NT5C2: variants seen among roughly 807,000 people sequenced by gnomAD.
NT5C2 encodes cytosolic purine 5'-nucleotidase.
In NT5C2, 58 loss-of-function variants were observed where a neutral mutation model predicts 76.1. That is an observed-to-expected ratio of 0.76 (90% CI 0.62 to 0.95). The LOEUF (loss-of-function observed/expected upper bound fraction) is 0.95, where lower values mean the gene tolerates loss of function less well. Among genes scored for constraint, NT5C2 ranks in the 40% least tolerant of loss-of-function variants. NT5C2 has a pLI of 0.00. For synonymous variants in NT5C2, 229 were observed against 237.4 expected, an observed-to-expected ratio of 0.96 and a Z score of 0.32; for missense variants, 478 against 690.3, an observed-to-expected ratio of 0.69 and a Z score of 3.45.
intron 4 of NT5C2, among the ~76,000 whole-genome samples, chr10:103,122,293 A>C (rs1326740554): frequency 6.6e-6 from 1 of 152,256 alleles, no homozygotes; most frequent in Non-Finnish European, 1.5e-5. Flanking sequence ...GTTTTAACAC[A>C]GTTTCTATCT....
chr10:103,122,958 G>A (rs1374369357), intron 4 of NT5C2, among the ~76,000 whole-genome samples: 1 of 152,150 alleles, frequency 6.6e-6, no homozygotes, highest in Non-Finnish European at 1.5e-5. Context: ...TCCTTATGAA[G>A]GCTCCTGTGT....
chr10:103,181,627 T>C (rs1387917695), intron 1 of NT5C2, among the ~76,000 whole-genome samples: 1 of 152,242 alleles, frequency 6.6e-6, no homozygotes, highest in Non-Finnish European at 1.5e-5. Context: ...ATTACCTCAT[T>C]ACTTAACATA....
intron 3 of NT5C2, chr10:103,153,423 A>G (rs2082746943): frequency 8.7e-7 from 1 of 1,153,774 alleles, no homozygotes; most frequent in Admixed American, 4.6e-5. Flanking sequence ...GAGAGGCCCA[A>G]CAAATTTGGG....
chr10:103,191,749 C>G lies in NT5C2; in HGVS notation c.-169+1487G>C, dbSNP rs370539523. On this transcript the variant is annotated intron_variant, in intron 1 of 18. Coordinates refer to ENST00000404739, the MANE Select transcript of NT5C2 (RefSeq NM_001351169.2). The stretch of plus-strand genomic sequence containing the variant: ...CCCCGCGCCCCTCCACCTTATTTTA[C>G]AGATTTGTTGGTTACTAAATCCTAA... 2.0e-5 allele frequency among the ~76,000 whole-genome samples: 3 copies of G among 146,440 alleles called. No individual in the cohort carries two copies. In the East Asian group the frequency reaches 6.7e-4, roughly 33 times the overall value.
intron 3 of NT5C2, among the ~76,000 whole-genome samples, chr10:103,149,180 T>C (rs995856811): frequency 5.3e-5 from 8 of 152,084 alleles, no homozygotes; most frequent in African/African-American, 1.9e-4. Flanking sequence ...GCAAATCCTC[T>C]CTGGAAGAAC....
chr10:103,135,288 T>C (rs771242237), intron 4 of NT5C2, among the ~76,000 whole-genome samples: 59 of 152,308 alleles, frequency 3.9e-4, no homozygotes, highest in East Asian at 7.7e-4. Context: ...TGGGAGGTAA[T>C]TGAATCATGG....
intron 18 of NT5C2, chr10:103,090,281 A>C (rs763523909): frequency 3.2e-5 from 11 of 344,646 alleles, no homozygotes; most frequent in Non-Finnish European, 5.3e-5. Context: ...ACAGTGGAGC[A>C]ATCACAGCCC....
chr10:103,118,632 A>G (rs1348664469), intron 4 of NT5C2, among the ~76,000 whole-genome samples: 1 of 152,138 alleles, frequency 6.6e-6, no homozygotes, highest in African/African-American at 2.4e-5. Flanking sequence ...GGCATTAATT[A>G]CAGGAATAAG....
chr10:103,169,053 T>C (rs937698946), intron 3 of NT5C2, among the ~76,000 whole-genome samples: 1 of 152,152 alleles, frequency 6.6e-6, no homozygotes, highest in Admixed American at 6.6e-5. Flanking sequence ...TGTTAGGAGA[T>C]ACAAGTCTGA....
chr10:103,127,043 C>T (rs2076796142), intron 4 of NT5C2, among the ~76,000 whole-genome samples: 1 of 152,184 alleles, frequency 6.6e-6, no homozygotes, highest in Non-Finnish European at 1.5e-5. Context: ...CTCCTGGCTT[C>T]AAGCAATCCA....
At chr10:103,093,884 T>C in intron 14 of NT5C2, 88 bp downstream of exon 14, 1 of 971,060 alleles carries the variant, frequency 1.0e-6, no homozygotes, top group Non-Finnish European at 1.7e-6. Context: ...TACTAAACAG[T>C]ATATGTGGCA....
intron 1 of NT5C2, among the ~76,000 whole-genome samples, chr10:103,191,045 T>C (rs2092595630): frequency 6.6e-6 from 1 of 152,198 alleles, no homozygotes; most frequent in African/African-American, 2.4e-5. Context: ...GGTTTTTGTT[T>C]TTGGGGATTT....
chr10:103,089,795 C>T lies in NT5C2; in HGVS notation c.1563G>A (p.Arg521=). The T allele has an allele frequency of 1.2e-6, 2 of 1,614,020 alleles. No homozygotes were observed. The highest frequency in any genetic ancestry group is 1.3e-5 in the African/African-American group (1 of 74,990). ...SVDFKDTDYK[R]HQLTRSISEI... is the part of the protein sequence containing the mutation. ...CACTAATTGACCGTGTCAGCTGGTG[C>T]CGCTTGTAGTCAGTGTCTTTGAAAT... Residue 521 remains arginine (R), a synonymous_variant, in exon 19 of 19, where the codon CGG becomes CGA. Transcript: ENST00000404739.
Position 103,094,465 on chromosome 10 carries a change from G to A in NT5C2, c.814-10C>T, listed in dbSNP as rs1015582988. On this transcript the variant is annotated splice_polypyrimidine_tract_variant and intron_variant, in intron 12 of 18. Coordinates refer to ENST00000404739, the MANE Select transcript of NT5C2 (RefSeq NM_001351169.2). ...GATGGGAGCTCCCAGGCTGGTGAAGGAGAAACAGCAAAAGTTGAAACATCA... is the reference window on the plus strand; with the variant it reads ...GATGGGAGCTCCCAGGCTGGTGAAGAAGAAACAGCAAAAGTTGAAACATCA... 10 of 1,511,330 alleles carry A rather than the reference G, an allele frequency of 6.6e-6. No homozygotes were observed. The highest frequency in any genetic ancestry group is 8.3e-6 in the Non-Finnish European group (9 of 1,087,166). The allele number at this position is 1,511,330 out of a possible 1,614,324, so 93.6% of individuals were successfully genotyped here.
chr10:103,190,806 A>G (rs936308932), intron 1 of NT5C2, among the ~76,000 whole-genome samples: 5 of 152,344 alleles, frequency 3.3e-5, no homozygotes, highest in African/African-American at 1.2e-4. Context: ...TACAACACTT[A>G]TTCAACAAAA....
At chr10:103,143,982 A>C in intron 3 of NT5C2, among the ~76,000 whole-genome samples, 1 of 151,550 alleles carries the variant, frequency 6.6e-6, no homozygotes. Context: ...ACACCCTCCA[A>C]CCTCCAGCCC....
chr10:103,153,936 A>G (rs1431526026), intron 3 of NT5C2: 2 of 251,554 alleles, frequency 8.0e-6, no homozygotes, highest in African/African-American at 4.6e-5. Context: ...GCTTTTAAAC[A>G]AAACATCTGC....
At position 103,169,908 on chromosome 10, in the gene NT5C2, C is replaced by G. The variant is rs965945666; in HGVS notation, c.101+4950G>C. Among the ~76,000 whole-genome samples the G allele has an allele frequency of 1.4e-4, 22 of 152,196 alleles. 1 individual carries two copies. The highest frequency in any genetic ancestry group is 2.6e-4 in the Admixed American group (4 of 15,284). On this transcript the variant is annotated intron_variant, in intron 3 of 18. Transcript: ENST00000404739. ...TTGGGAGGCTGAGGCAGGCGGATCA[C>G]AAGGTCAGGAGTTCAAGACCAGCCT...
At chr10:103,101,133 T>A (rs1481803894) in intron 7 of NT5C2, 31 bp from the exon 8 acceptor site, 4 of 1,524,610 alleles carry the variant, frequency 2.6e-6, no homozygotes, top group Non-Finnish European at 9.1e-7. Context: ...ATTCATAAGC[T>A]ATAATGAAAT....
Sources: allele counts gnomAD v4.1 joint callset (sites outside exome capture counted in the v4.1 genomes callset), GRCh38; gene constraint gnomAD v4.1.1; transcripts MANE v1.5; gene names NCBI Gene and HGNC (gene_info 2026-07-23, HGNC 2026-07-21).